The following BNC2 variants were observed in gnomAD, a reference collection of about 807,000 sequenced individuals.
The protein encoded by BNC2 is zinc finger protein basonuclin-2.
Under a neutral mutation model 76.3 loss-of-function variants are expected in BNC2, and 20 were observed. That is an observed-to-expected ratio of 0.26 (90% CI 0.18 to 0.38). The LOEUF is 0.38. BNC2 is among the 10% of genes least tolerant of loss of function. The pLI, the probability that BNC2 is intolerant of heterozygous loss-of-function variation, is 1.00. For synonymous variants in BNC2, 582 were observed against 514.8 expected (o/e 1.13, Z -1.77); for missense variants, 1,382 against 1,399.8 (o/e 0.99, Z 0.20).
At chr9:16,708,894 A>G (rs1823756132) in intron 3 of BNC2, among the ~76,000 whole-genome samples, 1 of 152,212 alleles carries the variant, frequency 6.6e-6, no homozygotes, top group South Asian at 2.1e-4. Context: ...CTCACTGGGT[A>G]GATGTCAGGG....
chr9:16,436,072 C>A lies in BNC2; in HGVS notation c.2122G>T (p.Ala708Ser). The A allele has an allele frequency of 2.5e-6, 4 of 1,614,150 alleles. No individual in the cohort carries two copies. In the African/African-American group the frequency reaches 5.3e-5, roughly 22 times the overall value. Residue 708 changes from alanine (A) to serine (S), a missense_variant, in exon 6 of 7, where the codon GCC becomes TCC. Ala to Ser is a moderately conservative substitution (Grantham distance 99, BLOSUM62 1). Transcript: ENST00000380672. ...TGGTCTTCAGAAGTCATGCTGTCGG[C>A]CCTCCTTATTTCAGTCCTTGAAATG... is the stretch of plus-strand genomic sequence containing the variant. ...RCISRTEIRR[A>S]DSMTSEDQEP...
intron 5 of BNC2, among the ~76,000 whole-genome samples, chr9:16,450,387 G>T (rs897912980): frequency 6.6e-6 from 1 of 152,186 alleles, no homozygotes; most frequent in East Asian, 1.9e-4. Flanking sequence ...GTAAATAAAT[G>T]TTTGTGTGAG....
At chr9:16,720,956 T>C (rs540088118) in intron 3 of BNC2, among the ~76,000 whole-genome samples, 6 of 152,214 alleles carry the variant, frequency 3.9e-5, no homozygotes, top group East Asian at 1.9e-4. Context: ...AGGGTTTGAA[T>C]GTACACTGTG....
chr9:16,555,070 A>ACTGC (rs377567726), intron 4 of BNC2, among the ~76,000 whole-genome samples: 8,069 of 150,824 alleles, frequency 0.053, 813 homozygotes, highest in African/African-American at 0.19. Flanking sequence ...CCCAGGCTGG[A>ACTGC]GGGCAGTGGC....
chr9:16,864,777 A>G (rs1398923279), intron 1 of BNC2, among the ~76,000 whole-genome samples: 2 of 152,134 alleles, frequency 1.3e-5, no homozygotes, highest in African/African-American at 2.4e-5. Flanking sequence ...GAGAAATCTA[A>G]TAACTGTGAC....
chr9:16,547,644 A>C (rs73645996), intron 5 of BNC2, among the ~76,000 whole-genome samples: 7,702 of 152,302 alleles, frequency 0.051, 683 homozygotes, highest in African/African-American at 0.17. Context: ...CCTCTGTAAG[A>C]AAGTGAGACT....
chr9:16,870,432 G>C (rs576184531), intron 1 of BNC2, among the ~76,000 whole-genome samples: 1 of 151,900 alleles, frequency 6.6e-6, no homozygotes, highest in South Asian at 2.1e-4. Context: ...CAGAAACTTG[G>C]GGCCAAGTTT....
intron 1 of BNC2, among the ~76,000 whole-genome samples, chr9:16,842,847 G>T (rs1197496956): frequency 6.6e-6 from 1 of 152,080 alleles, no homozygotes; most frequent in African/African-American, 2.4e-5. Flanking sequence ...TGTCTCTTGG[G>T]TTCAAGCAAT....
chr9:16,449,255 G>A (rs74692177), intron 5 of BNC2, among the ~76,000 whole-genome samples: 2,130 of 152,278 alleles, frequency 0.014, 24 homozygotes, highest in Non-Finnish European at 0.023. Context: ...CATTTGGAGA[G>A]CTGCAAACGT....
intron 5 of BNC2, among the ~76,000 whole-genome samples, chr9:16,489,110 G>A (rs1410104172): frequency 6.6e-6 from 1 of 152,002 alleles, no homozygotes; most frequent in Non-Finnish European, 1.5e-5. Context: ...AAGTAAAAGA[G>A]GCAAAACTTT....
At position 16,689,254 on chromosome 9, in the gene BNC2, G is replaced by C. The variant is rs924962503; in HGVS notation, c.330+38543C>G. On this transcript the variant is annotated intron_variant, in intron 3 of 6. Coordinates refer to ENST00000380672, the MANE Select transcript of BNC2 (RefSeq NM_017637.6). ...CAGGTTGTAAATGGGAGCTACCGTT[G>C]AAAATATTTGAAGATGAATGGCTGT... Among the ~76,000 whole-genome samples the C allele has an allele frequency of 5.3e-5, 8 of 151,514 alleles. No individual in the cohort carries two copies. In the East Asian group the frequency reaches 1.6e-3, roughly 30 times the overall value.
intron 1 of BNC2, among the ~76,000 whole-genome samples, chr9:16,799,611 C>G (rs961882138): frequency 6.6e-6 from 1 of 151,994 alleles, no homozygotes; most frequent in African/African-American, 2.4e-5. Context: ...ACAAGAAGGG[C>G]AAAATAGCCC....
At chr9:16,455,191 A>G (rs1368048503) in intron 5 of BNC2, among the ~76,000 whole-genome samples, 1 of 152,208 alleles carries the variant, frequency 6.6e-6, no homozygotes, top group Non-Finnish European at 1.5e-5. Context: ...CATTTAAAAT[A>G]CTTTAACCAA....
At chr9:16,762,511 G>A (rs1376727523) in intron 1 of BNC2, among the ~76,000 whole-genome samples, 3 of 152,204 alleles carry the variant, frequency 2.0e-5, no homozygotes, top group Non-Finnish European at 4.4e-5. Context: ...AGTATCCAGA[G>A]AGGCACAATG....
At chr9:16,514,667 A>T (rs145346324) in intron 5 of BNC2, among the ~76,000 whole-genome samples, 118 of 152,296 alleles carry the variant, frequency 7.7e-4, no homozygotes, top group African/African-American at 2.8e-3. Context: ...AGGTGAGCAC[A>T]TTTGTTTCTT....
At chr9:16,815,902 A>G (rs1414192540) in intron 1 of BNC2, among the ~76,000 whole-genome samples, 1 of 152,182 alleles carries the variant, frequency 6.6e-6, no homozygotes, top group African/African-American at 2.4e-5. Flanking sequence ...GATTTCTAGC[A>G]CAGCTGAATA....
intron 1 of BNC2, among the ~76,000 whole-genome samples, chr9:16,756,816 T>C (rs1563929141): frequency 6.6e-6 from 1 of 152,014 alleles, no homozygotes; most frequent in Non-Finnish European, 1.5e-5. Flanking sequence ...AGTGAAACTC[T>C]GTCTCTACTA....
At chr9:16,641,543 G>C (rs1270998729) in intron 3 of BNC2, among the ~76,000 whole-genome samples, 2 of 152,148 alleles carry the variant, frequency 1.3e-5, no homozygotes, top group East Asian at 3.8e-4. Context: ...TAATTTGCTA[G>C]ACTGTTTCAA....
intron 1 of BNC2, among the ~76,000 whole-genome samples, chr9:16,785,009 C>A (rs1273878665): frequency 6.6e-6 from 1 of 152,164 alleles, no homozygotes; most frequent in Admixed American, 6.5e-5. Context: ...CTGATTAATA[C>A]AGTATGAATA....
Sources: allele counts gnomAD v4.1 joint callset (sites outside exome capture counted in the v4.1 genomes callset), GRCh38; gene constraint gnomAD v4.1.1; transcripts MANE v1.5; gene names NCBI Gene and HGNC (gene_info 2026-07-23, HGNC 2026-07-21).